The following CASD1 variants were observed in gnomAD, a reference collection of about 807,000 sequenced individuals.
CASD1 encodes the protein N-acetylneuraminate (7)9-O-acetyltransferase.
A neutral mutation model predicts 100.0 loss-of-function variants in CASD1; 41 were observed. That is an observed-to-expected ratio of 0.41 (90% CI 0.32 to 0.53). CASD1 has a LOEUF of 0.53. Among genes scored for constraint, CASD1 ranks in the 20% least tolerant of loss-of-function variants. The pLI is 0.25. For missense variants in CASD1, 774 were observed against 948.7 expected (o/e 0.82, Z 2.42); for synonymous variants, 321 against 315.6 (o/e 1.02, Z -0.18).
intron 8 of CASD1, 74 bp downstream of exon 8, chr7:94,535,597 A>G (rs111970288): frequency 2.0e-6 from 2 of 1,016,976 alleles, no homozygotes; most frequent in African/African-American, 1.6e-5. Context: ...TCATTATAAC[A>G]TGGTTATAAA....
chr7:94,585,435 GAA>G, the CASD1 span: 1 of 1,485,192 alleles, frequency 6.7e-7, no homozygotes, highest in Non-Finnish European at 9.4e-7. Context: ...GAAGAGAAAA[GAA>G]ATGTGATGTA....
chr7:94,564,373 T>G, the CASD1 span, among the ~76,000 whole-genome samples: 2 of 152,168 alleles, frequency 1.3e-5, no homozygotes, highest in African/African-American at 2.4e-5. Flanking sequence ...ATCCCTGCAT[T>G]CTTTGGATCT....
the CASD1 span, chr7:94,587,754 G>C: frequency 6.5e-7 from 1 of 1,534,734 alleles, no homozygotes; most frequent in Non-Finnish European, 8.8e-7. Flanking sequence ...ATTGAAATCT[G>C]ATGAACAATT....
the CASD1 span, among the ~76,000 whole-genome samples, chr7:94,615,385 GATA>G: frequency 6.8e-6 from 1 of 146,118 alleles, no homozygotes; most frequent in East Asian, 2.0e-4. Flanking sequence ...TAGATAGATA[GATA>G]GATAGATAGA....
In CASD1 at chr7:94,556,525, C is replaced by T. The variant is rs572731395; in HGVS notation, c.*767C>T. 1 of 152,132 alleles carries T rather than the reference C, an allele frequency of 6.6e-6. No homozygotes were observed. Among genetic ancestry groups the T allele is most frequent in the South Asian group, 2.1e-4 (1 of 4,824 alleles). The allele number at this position is 152,132 out of a possible 1,614,324, so 9.4% of individuals were successfully genotyped here. A position where few individuals can be genotyped will look rare whatever the true frequency, so the allele number is the denominator to read the frequency against. ...TTCCTCAAGCTATACCAGTGTAATACCAGTTACCCTGTGGATCCATTTAAT... is the reference window on the plus strand; with the variant it reads ...TTCCTCAAGCTATACCAGTGTAATATCAGTTACCCTGTGGATCCATTTAAT... On this transcript the variant is annotated 3_prime_UTR_variant, in exon 18 of 18. Transcript: ENST00000297273.
the CASD1 span, among the ~76,000 whole-genome samples, chr7:94,608,000 A>C: frequency 5.3e-5 from 8 of 152,310 alleles, no homozygotes; most frequent in Admixed American, 5.2e-4. Flanking sequence ...GATTAATATA[A>C]TAAAGTCCAT....
chr7:94,535,368 G>C lies in CASD1; in HGVS notation c.688G>C (p.Asp230His). The C allele has an allele frequency of 6.2e-7, 1 of 1,613,552 alleles. No individual in the cohort carries two copies. The highest frequency in any genetic ancestry group is 8.5e-7 in the Non-Finnish European group (1 of 1,179,684). The change falls in exon 8 of 18, where the codon GAT becomes CAT. Residue 230 changes from aspartate (D) to histidine (H), a missense_variant. By Grantham distance (81) the Asp-to-His change is moderately conservative (BLOSUM62 -1). Coordinates refer to ENST00000297273, the MANE Select transcript of CASD1 (RefSeq NM_022900.5). ...NRKMITNEKI[D>H]AYNEAAVSIL... ...GAAGATGATCACTAATGAGAAGATA[G>C]ATGCTTACAATGAAGCTGCAGTCAG...
intron 13 of CASD1, among the ~76,000 whole-genome samples, chr7:94,548,435 GATATATATAC>G (rs994603391): frequency 3.2e-4 from 48 of 151,478 alleles, no homozygotes; most frequent in African/African-American, 1.1e-3. Context: ...TATTCATGCT[GATATATATAC>G]ATATATATAC....
chr7:94,553,088 C>A, intron 16 of CASD1: 1 of 419,968 alleles, frequency 2.4e-6, no homozygotes, highest in South Asian at 1.9e-5. Flanking sequence ...ATTATAATAA[C>A]TCATTAAATG....
At chr7:94,544,137 G>A (rs1795556036) in intron 10 of CASD1, among the ~76,000 whole-genome samples, 1 of 152,124 alleles carries the variant, frequency 6.6e-6, no homozygotes, top group South Asian at 2.1e-4. Context: ...ACCCTTCAAG[G>A]AAGGAAGGAA....
At chr7:94,631,269 A>C in the CASD1 span, among the ~76,000 whole-genome samples, 1 of 151,922 alleles carries the variant, frequency 6.6e-6, no homozygotes, top group African/African-American at 2.4e-5. Context: ...AATGAATCAC[A>C]GAAAAATAGT....
At chr7:94,616,000 T>C in the CASD1 span, among the ~76,000 whole-genome samples, 1 of 152,234 alleles carries the variant, frequency 6.6e-6, no homozygotes, top group Non-Finnish European at 1.5e-5. Flanking sequence ...TTCAGAGGGC[T>C]CAGCCTTCCT....
chr7:94,600,774 G>A, the CASD1 span: 5 of 1,613,470 alleles, frequency 3.1e-6, no homozygotes, highest in Admixed American at 3.3e-5. Flanking sequence ...AATCAGAAGG[G>A]GGTTTGTATT....
the CASD1 span, among the ~76,000 whole-genome samples, chr7:94,616,255 G>C: frequency 6.6e-6 from 1 of 152,092 alleles, no homozygotes; most frequent in African/African-American, 2.4e-5. Flanking sequence ...GTCATCTGCT[G>C]TTTAACTGAC....
At position 94,537,942 on chromosome 7, in the gene CASD1, A is replaced by G. The variant is rs201979627; in HGVS notation, c.1266+48A>G. The stretch of plus-strand genomic sequence containing the variant: ...CTCATGTTACCCTTCTTGTCTCATT[A>G]CATACTCTGTGTTAAAGAACTAATA... On this transcript the variant is annotated intron_variant, in intron 9 of 17. Transcript: ENST00000297273. 1.5e-3 allele frequency: 1,552 copies of G among 1,027,914 alleles called. 6 individuals carry two copies. The highest frequency in any genetic ancestry group is 2.0e-3 in the Admixed American group (93 of 45,804). The allele number at this position is 1,027,914 out of a possible 1,614,324, so 63.7% of individuals were successfully genotyped here.
Position 94,517,634 on chromosome 7 carries a change from A to G in CASD1, c.208A>G (p.Met70Val), listed in dbSNP as rs926101751. 2.5e-6 allele frequency: 4 copies of G among 1,607,768 alleles called. No homozygotes were observed. Among genetic ancestry groups the G allele is most frequent in the Non-Finnish European group, 2.6e-6 (3 of 1,175,606 alleles). Reference protein sequence around the residue: ...GEKVWQPHSCMMHKYKISEAK... With the variant: ...GEKVWQPHSCVMHKYKISEAK... ...GAAAGTTTGGCAACCTCACAGTTGTATGATGCATAAATACAAAATCAGGTA... is the reference window on the plus strand; with the variant it reads ...GAAAGTTTGGCAACCTCACAGTTGTGTGATGCATAAATACAAAATCAGGTA... The change falls in exon 2 of 18, where the codon ATG (methionine) becomes GTG (valine). Residue 70 changes from methionine to valine, a missense_variant. Physicochemically the swap from Met to Val is conservative, Grantham distance 21 (BLOSUM62 1). Coordinates refer to ENST00000297273, the MANE Select transcript of CASD1 (RefSeq NM_022900.5).
In CASD1 at chr7:94,544,518, T is replaced by C. The variant is rs17855167; in HGVS notation, c.1464T>C (p.Tyr488=). Reference sequence around the variant, plus strand: ...GGATAAAAGGAGATTTTGGAATCTATAGAGTATGTCAGGTAGGAATGCACT... The same window carrying C: ...GGATAAAAGGAGATTTTGGAATCTACAGAGTATGTCAGGTAGGAATGCACT... ...YFWIKGDFGI[Y]RVCQVLFRLN... is the part of the protein sequence containing the mutation. The change falls in exon 11 of 18, where the codon TAT becomes TAC. Residue 488 remains tyrosine, a synonymous_variant. Transcript: ENST00000297273. 6.8e-6 allele frequency: 11 copies of C among 1,612,626 alleles called. No individual in the cohort carries two copies. Among genetic ancestry groups the C allele is most frequent in the Non-Finnish European group, 9.3e-6 (11 of 1,179,266 alleles).
At chr7:94,554,866 A>G (rs1796126293) in intron 17 of CASD1, among the ~76,000 whole-genome samples, 1 of 152,124 alleles carries the variant, frequency 6.6e-6, no homozygotes, top group African/African-American at 2.4e-5. Context: ...GCTGAGACCA[A>G]GAGAGAAAAA....
At chr7:94,546,634 G>T (rs11976346) in intron 12 of CASD1, among the ~76,000 whole-genome samples, 7,388 of 151,840 alleles carry the variant, frequency 0.049, 592 homozygotes, top group African/African-American at 0.17. Context: ...TTTTAAATAT[G>T]CATATGTTAA....
Sources: gnomAD v4.1 joint callset for allele counts (sites outside exome capture counted in the v4.1 genomes callset) on GRCh38, gnomAD v4.1.1 for gene constraint, MANE v1.5 for transcripts, NCBI Gene and HGNC (gene_info 2026-07-23, HGNC 2026-07-21) for gene names.